The following AKAP12 variants were observed in gnomAD, a reference collection of about 807,000 sequenced individuals.
AKAP12 encodes the protein A-kinase anchor protein 12.
A neutral mutation model predicts 79.9 loss-of-function variants in AKAP12; 32 were observed. The ratio of observed to expected loss-of-function variants is 0.40; its 90% CI spans 0.30 to 0.54. The LOEUF (loss-of-function observed/expected upper bound fraction) is 0.54, where lower values mean the gene tolerates loss of function less well. Ranked by LOEUF, AKAP12 falls within the 20% of genes least tolerant of loss-of-function variation. The pLI is 0.48. For synonymous variants in AKAP12, 808 were observed against 857.0 expected (o/e 0.94, Z 1.00); for missense variants, 2,074 against 2,177.0 (o/e 0.95, Z 0.94).
intron 3 of AKAP12, among the ~76,000 whole-genome samples, chr6:151,317,778 T>C (rs977499450): frequency 2.0e-5 from 3 of 152,244 alleles, no homozygotes; most frequent in Admixed American, 2.0e-4. Context: ...CATGGATTCC[T>C]AACCCTGGAA....
chr6:151,282,965 C>T (rs556273434), intron 2 of AKAP12, among the ~76,000 whole-genome samples: 1 of 152,294 alleles, frequency 6.6e-6, no homozygotes, highest in South Asian at 2.1e-4. Flanking sequence ...AGCCTGCACT[C>T]ATGTTATGAA....
intron 4 of AKAP12, among the ~76,000 whole-genome samples, chr6:151,355,518 G>C (rs781276602): frequency 6.6e-6 from 1 of 151,276 alleles, no homozygotes; most frequent in Non-Finnish European, 1.5e-5. Context: ...GGCCAGGATG[G>C]TCTCGATCTC....
intron 3 of AKAP12, among the ~76,000 whole-genome samples, chr6:151,308,099 TTC>T (rs1295273727): frequency 1.3e-5 from 2 of 152,110 alleles, no homozygotes; most frequent in African/African-American, 4.8e-5. Flanking sequence ...GGTTTCGAAC[TTC>T]TGACCTCAAG....
chr6:151,354,529 A>G (rs1032559068), intron 4 of AKAP12, among the ~76,000 whole-genome samples: 1 of 151,934 alleles, frequency 6.6e-6, no homozygotes, highest in Non-Finnish European at 1.5e-5. Flanking sequence ...GCCCGCCACC[A>G]TACCCAGCTA....
At chr6:151,242,187 A>G (rs1796991633) in intron 2 of AKAP12, among the ~76,000 whole-genome samples, 1 of 152,206 alleles carries the variant, frequency 6.6e-6, no homozygotes, top group Non-Finnish European at 1.5e-5. Flanking sequence ...ATTTTAAGGT[A>G]TAATTGCTAA....
Position 151,305,872 on chromosome 6 carries a change from C to A in AKAP12, c.288C>A (p.Ser96Arg), listed in dbSNP as rs1453515176. The change falls in exon 3 of 5, where the codon AGC (serine) becomes AGA (arginine). Residue 96 changes from serine to arginine, a missense_variant. Physicochemically the swap from Ser to Arg is moderately radical, Grantham distance 110. This residue lies in a region of AKAP12 where 1,428 missense variants were observed against 1,451.0 expected (regional missense o/e 0.98). Transcript: ENST00000402676. Reference sequence around the variant, plus strand: ...TGAACGGTCAAGGAGCCCTAAACAGCCAGGAGGAAGAAGAAGTCATTGTCA... The same window carrying A: ...TGAACGGTCAAGGAGCCCTAAACAGACAGGAGGAAGAAGAAGTCATTGTCA... ...GALNGQGALN[S>R]QEEEEVIVTE... is the part of the protein sequence containing the mutation. 1 of 1,612,608 alleles carries A rather than the reference C, an allele frequency of 6.2e-7. No homozygotes were observed. The highest frequency in any genetic ancestry group is 1.3e-5 in the African/African-American group (1 of 74,852).
intron 2 of AKAP12, among the ~76,000 whole-genome samples, chr6:151,276,540 G>A (rs193158686): frequency 2.0e-5 from 3 of 152,218 alleles, no homozygotes; most frequent in African/African-American, 4.8e-5. Context: ...CTTAGTCAAC[G>A]GTCTGGCTGT....
rs10646561 is a variant in AKAP12, at chr6:151,244,527, G to GAAACAAAC, written c.162+3819_162+3826dup. ...CAACAGAGCGAGACTCTGTCTCAAAGAAACAAACAAACAAACAAACAAAAC... is the reference window on the plus strand; with the variant it reads ...CAACAGAGCGAGACTCTGTCTCAAAGAAACAAACAAACAAACAAACAAACAAACAAAAC... On this transcript the variant is annotated intron_variant, in intron 2 of 4. Coordinates refer to ENST00000402676, the MANE Select transcript of AKAP12 (RefSeq NM_005100.4). Among the ~76,000 whole-genome samples the GAAACAAAC allele has an allele frequency of 5.2e-3, 784 of 151,234 alleles. 5 individuals are homozygous for GAAACAAAC. Among genetic ancestry groups the GAAACAAAC allele is most frequent in the African/African-American group, 0.018 (746 of 41,198 alleles).
At chr6:151,306,194 A>G (rs1157133259) in intron 3 of AKAP12, among the ~76,000 whole-genome samples, 1 of 152,334 alleles carries the variant, frequency 6.6e-6, no homozygotes, top group East Asian at 1.9e-4. Context: ...AACAGAAGTC[A>G]TGGTTGCTTT....
intron 2 of AKAP12, among the ~76,000 whole-genome samples, chr6:151,241,709 T>A (rs1231013380): frequency 1.3e-5 from 2 of 152,096 alleles, no homozygotes; most frequent in African/African-American, 4.8e-5. Context: ...AAAGGTACCC[T>A]TGTGATACCT....
At chr6:151,260,037 T>G (rs1006659683) in intron 2 of AKAP12, among the ~76,000 whole-genome samples, 1 of 152,194 alleles carries the variant, frequency 6.6e-6, no homozygotes, top group Non-Finnish European at 1.5e-5. Context: ...TTGTGTTAAT[T>G]ACAAGGTTGA....
Position 151,352,929 on chromosome 6 carries a change from A to G in AKAP12, c.4538A>G (p.Asp1513Gly). ...ACCACATCACTGAAGTGGAAGTCAG[A>G]TGAAGTCGATGAGCAGGTTGCTTGC... Reference protein sequence around the residue: ...EKTTSLKWKSDEVDEQVACQE... With the variant: ...EKTTSLKWKSGEVDEQVACQE... Residue 1513 changes from aspartate to glycine, a missense_variant, in exon 4 of 5, where the codon GAT becomes GGT. By Grantham distance (94) the Asp-to-Gly change is moderately conservative. This residue lies in a region of AKAP12 where 614 missense variants were observed against 665.6 expected (regional missense o/e 0.92). Coordinates refer to ENST00000402676, the MANE Select transcript of AKAP12 (RefSeq NM_005100.4). The G allele has an allele frequency of 1.9e-6, 3 of 1,613,920 alleles. No individual in the cohort carries two copies. The South Asian group carries it at 3.3e-5, about 18-fold the overall frequency.
At chr6:151,345,932 T>TGAGAGAGAGAGAGA (rs56202215) in intron 3 of AKAP12, among the ~76,000 whole-genome samples, 32 of 101,440 alleles carry the variant, frequency 3.2e-4, no homozygotes, top group African/African-American at 9.6e-4. Flanking sequence ...TGTGTGTGTG[T>TGAGAGAGAGAGAGA]GAGAGAGAGA....
intron 3 of AKAP12, among the ~76,000 whole-genome samples, chr6:151,318,137 C>T (rs1171327924): frequency 6.6e-6 from 1 of 152,064 alleles, no homozygotes; most frequent in Admixed American, 6.6e-5. Context: ...GTGGAGCCCT[C>T]ATGAATGGGA....
intron 3 of AKAP12, chr6:151,341,821 T>G: frequency 7.8e-7 from 1 of 1,282,838 alleles, no homozygotes; most frequent in Non-Finnish European, 1.0e-6. Flanking sequence ...TTCCTTCCCG[T>G]CCCAGGCTTG....
At chr6:151,329,653 A>G (rs572162214) in intron 3 of AKAP12, among the ~76,000 whole-genome samples, 1 of 152,328 alleles carries the variant, frequency 6.6e-6, no homozygotes, top group East Asian at 1.9e-4. Flanking sequence ...TGGGTGTTTC[A>G]CATCTGCTAT....
chr6:151,315,790 C>T (rs754918496), intron 3 of AKAP12, among the ~76,000 whole-genome samples: 14 of 151,964 alleles, frequency 9.2e-5, no homozygotes, highest in South Asian at 2.1e-4. Flanking sequence ...TCTGCAGGGG[C>T]GGGGAGGCCT....
At chr6:151,319,443 GTCTATCTATCTATCTATCTA>G (rs59954289) in intron 3 of AKAP12, among the ~76,000 whole-genome samples, 2 of 140,316 alleles carry the variant, frequency 1.4e-5, no homozygotes, top group Non-Finnish European at 3.0e-5. Context: ...ACAGGTGTCT[GTCTATCTATCTATCTATCTA>G]TCTATCTATC....
intron 3 of AKAP12, among the ~76,000 whole-genome samples, chr6:151,313,996 C>T (rs536532032): frequency 6.6e-6 from 1 of 151,790 alleles, no homozygotes; most frequent in Non-Finnish European, 1.5e-5. Context: ...TTCCGTTATG[C>T]CTTTTTATAA....
Sources: allele counts gnomAD v4.1 joint callset (sites outside exome capture counted in the v4.1 genomes callset), GRCh38; gene constraint gnomAD v4.1.1; regional missense constraint gnomAD v4.1.1; transcripts MANE v1.5; gene names NCBI Gene and HGNC (gene_info 2026-07-23, HGNC 2026-07-21).